SLC6A7: variants seen among roughly 807,000 people sequenced by gnomAD.
The protein encoded by SLC6A7 is solute carrier family 6 member 7.
In SLC6A7, 58 loss-of-function variants were observed where a neutral mutation model predicts 73.1. The observed-to-expected ratio is 0.79, with a 90% CI of 0.64 to 0.99. The LOEUF (loss-of-function observed/expected upper bound fraction) is 0.99. Among genes scored for constraint, SLC6A7 ranks in the 50% least tolerant of loss-of-function variants. The probability of loss-of-function intolerance (pLI) is 0.00; values close to 1 mark genes in which losing one functional copy is unlikely to be tolerated. For synonymous variants in SLC6A7, 338 were observed against 338.7 expected, an observed-to-expected ratio of 1.00 and a Z score of 0.02; for missense variants, 783 against 831.4, an observed-to-expected ratio of 0.94 and a Z score of 0.72.
chr5:150,199,463 A>G, intron 5 of SLC6A7, 97 bp downstream of exon 5: 1 of 832,586 alleles, frequency 1.2e-6, no homozygotes, highest in Non-Finnish European at 1.9e-6. Context: ...AGATGAAGAG[A>G]CTTCAGCTGG....
chr5:150,204,799 G>A (rs1196917855), intron 11 of SLC6A7, 28 bp from the exon 12 acceptor site: 3 of 1,527,334 alleles, frequency 2.0e-6, no homozygotes, highest in Admixed American at 3.3e-5. Flanking sequence ...GGCGGGTGGG[G>A]CCATTCCTCC....
rs375045473 is a variant in SLC6A7, at chr5:150,196,604, T to C, written c.218-112T>C. ...GGTATAGAAGAAAAGAAACCTACAG[T>C]GTTCCATCAGGTCTGAGGGGGCATC... On this transcript the variant is annotated intron_variant, in intron 2 of 13. Transcript: ENST00000230671. 691 of 1,030,924 alleles carry C rather than the reference T, an allele frequency of 6.7e-4. 1 individual carries two copies. The highest frequency in any genetic ancestry group is 9.3e-4 in the Non-Finnish European group (649 of 698,640). The allele number at this position is 1,030,924 out of a possible 1,614,324, so 63.9% of individuals were successfully genotyped here. A position where few individuals can be genotyped will look rare whatever the true frequency, so the allele number is the denominator to read the frequency against.
intron 1 of SLC6A7, among the ~76,000 whole-genome samples, chr5:150,191,494 G>A (rs1334086605): frequency 6.7e-6 from 1 of 149,716 alleles, no homozygotes; most frequent in Admixed American, 6.6e-5. Context: ...GCAGTGGTGT[G>A]ATCTCGGCTC....
chr5:150,204,854 A>T lies in SLC6A7; in HGVS notation c.1460A>T (p.His487Leu), dbSNP rs775491350. Reference sequence around the variant, plus strand: ...ATTCAGAGGTTCTGCCGAGACATCCACATGATGCTGGGCTTCAAGCCGGGC... The same window carrying T: ...ATTCAGAGGTTCTGCCGAGACATCCTCATGATGCTGGGCTTCAAGCCGGGC... ...YGIQRFCRDI[H>L]MMLGFKPGLY... The change falls in exon 12 of 14, where the codon CAC (histidine) becomes CTC (leucine). Residue 487 changes from histidine to leucine, a missense_variant. Coordinates refer to ENST00000230671, the MANE Select transcript of SLC6A7 (RefSeq NM_014228.5). 2 of 1,612,690 alleles carry T rather than the reference A, an allele frequency of 1.2e-6. No homozygotes were observed. Among genetic ancestry groups the T allele is most frequent in the South Asian group, 2.2e-5 (2 of 91,034 alleles).
intron 11 of SLC6A7, 70 bp downstream of exon 11, chr5:150,204,701 C>A: frequency 7.2e-7 from 1 of 1,392,712 alleles, no homozygotes. Context: ...CCTGGGGAGC[C>A]CCAGTACCTG....
chr5:150,201,313 C>CAGT, intron 6 of SLC6A7, 90 bp downstream of exon 6: 1 of 871,996 alleles, frequency 1.1e-6, no homozygotes, highest in Non-Finnish European at 1.7e-6. Context: ...CAGTACCAGG[C>CAGT]ACTCTGCTCA....
At chr5:150,191,476 G>T (rs1752782546) in intron 1 of SLC6A7, among the ~76,000 whole-genome samples, 1 of 151,702 alleles carries the variant, frequency 6.6e-6, no homozygotes. Flanking sequence ...TGTCACCCAG[G>T]TTGGAGTGCA....
intron 2 of SLC6A7, 46 bp from the exon 3 acceptor site, chr5:150,196,670 G>T: frequency 6.3e-7 from 1 of 1,585,410 alleles, no homozygotes; most frequent in Non-Finnish European, 8.6e-7. Flanking sequence ...TGGGCTTTTG[G>T]GGGAGCTGCC....
At chr5:150,195,043 T>C (rs915279089) in intron 2 of SLC6A7, 132 bp downstream of exon 2, 2 of 721,702 alleles carry the variant, frequency 2.8e-6, no homozygotes, top group Non-Finnish European at 4.7e-6. Flanking sequence ...AAGTGGTTTA[T>C]AGTAACTTGG....
intron 5 of SLC6A7, 87 bp from the exon 6 acceptor site, chr5:150,201,002 G>T: frequency 6.9e-7 from 1 of 1,451,780 alleles, no homozygotes; most frequent in African/African-American, 1.4e-5. Flanking sequence ...CAAAGGCTGG[G>T]GAGGCAAGTG....
intron 4 of SLC6A7, among the ~76,000 whole-genome samples, chr5:150,198,121 G>GAAAGAAAGAAAGAAAGAAGGAAAGAA (rs1753171132): frequency 8.9e-6 from 1 of 111,844 alleles, no homozygotes; most frequent in Non-Finnish European, 2.0e-5. Context: ...GAAAGAGAAA[G>GAAAGAAAGAAAGAAAGAAGGAAAGAA]AAAGAAAGAA....
rs987804065 is a variant in SLC6A7 at position 150,202,338 on chromosome 5, C to A, written c.859-9C>A. On this transcript the variant is annotated splice_polypyrimidine_tract_variant and intron_variant, in intron 6 of 13. Coordinates refer to ENST00000230671, the MANE Select transcript of SLC6A7 (RefSeq NM_014228.5). ...CGCACACCCTCCCTTTCCATCCTTC[C>A]CGGCACAGGTGTGGATTGAAGCTGC... 6.2e-7 allele frequency: 1 copy of A among 1,602,322 alleles called. No individual in the cohort carries two copies. Among genetic ancestry groups the A allele is most frequent in the East Asian group, 2.2e-5 (1 of 44,812 alleles).
chr5:150,197,082 C>T lies in SLC6A7; in HGVS notation c.390C>T (p.Ala130=). ...AAMLLIVGLV[A]IYYNMIIAYV... Reference sequence around the variant, plus strand: ...TGCTGCTCATCGTGGGCTTGGTGGCCATCTACTACAACATGATCATCGCCT... The same window carrying T: ...TGCTGCTCATCGTGGGCTTGGTGGCTATCTACTACAACATGATCATCGCCT... Residue 130 remains alanine, a synonymous_variant, in exon 4 of 14, where the codon GCC becomes GCT. Transcript: ENST00000230671. The T allele has an allele frequency of 6.2e-7, 1 of 1,614,138 alleles. No homozygotes were observed.
intron 13 of SLC6A7, among the ~76,000 whole-genome samples, chr5:150,209,176 C>T (rs537432139): frequency 2.0e-5 from 3 of 152,376 alleles, no homozygotes; most frequent in South Asian, 2.1e-4. Flanking sequence ...CAGAGCCGAG[C>T]GGCATTGCCA....
At position 150,190,310 on chromosome 5, in the gene SLC6A7, G is replaced by C; in HGVS notation, c.-18G>C. 2 of 1,509,886 alleles carry C rather than the reference G, an allele frequency of 1.3e-6. No individual in the cohort carries two copies. Among genetic ancestry groups the C allele is most frequent in the East Asian group, 2.9e-5 (1 of 34,984 alleles). 93.5% of individuals were successfully genotyped at this position (1,509,886 alleles called of 1,614,324 possible). ...CTGCGCTCCGGGGCAGCTGAGCCCC[G>C]GCCACCCGCTCTCCAAGATGAAGAA... On this transcript the variant is annotated 5_prime_UTR_variant, in exon 1 of 14. Coordinates refer to ENST00000230671, the MANE Select transcript of SLC6A7 (RefSeq NM_014228.5).
intron 4 of SLC6A7, among the ~76,000 whole-genome samples, chr5:150,198,723 C>A (rs1480775360): frequency 6.6e-6 from 1 of 151,840 alleles, no homozygotes; most frequent in East Asian, 1.9e-4. Flanking sequence ...ACCCCTGAAC[C>A]TAGGAGGCAA....
intron 1 of SLC6A7, among the ~76,000 whole-genome samples, chr5:150,194,322 G>A (rs1478015604): frequency 1.3e-5 from 2 of 151,986 alleles, no homozygotes; most frequent in African/African-American, 2.4e-5. Flanking sequence ...CCAGCTACTC[G>A]GGAGGCTGAG....
Position 150,199,322 on chromosome 5 carries a change from A to G in SLC6A7, c.679A>G (p.Ile227Val), listed in dbSNP as rs1753249406. 8.7e-6 allele frequency: 14 copies of G among 1,614,122 alleles called. No individual in the cohort carries two copies. Among genetic ancestry groups the G allele is most frequent in the Non-Finnish European group, 1.2e-5 (14 of 1,179,992 alleles). The part of the protein sequence containing the change: ...LCLCLLLAWV[I>V]VFLCILKGVK... Reference sequence around the variant, plus strand: ...CCTCTGCCTGCTGCTGGCCTGGGTCATCGTGTTCCTCTGTATCCTCAAGGG... The same window carrying G: ...CCTCTGCCTGCTGCTGGCCTGGGTCGTCGTGTTCCTCTGTATCCTCAAGGG... Residue 227 changes from isoleucine to valine, a missense_variant, in exon 5 of 14, where the codon ATC (isoleucine) becomes GTC (valine). Transcript: ENST00000230671.
At chr5:150,202,062 T>C (rs1753410673) in intron 6 of SLC6A7, among the ~76,000 whole-genome samples, 1 of 152,200 alleles carries the variant, frequency 6.6e-6, no homozygotes, top group Admixed American at 6.5e-5. Flanking sequence ...ACACTTTACA[T>C]TAGGCTCTGT....
Sources: gnomAD v4.1 joint callset for allele counts (sites outside exome capture counted in the v4.1 genomes callset) on GRCh38, gnomAD v4.1.1 for gene constraint, MANE v1.5 for transcripts, NCBI Gene and HGNC (gene_info 2026-07-23, HGNC 2026-07-21) for gene names.